The following CYB5R4 variants were observed in gnomAD, a reference collection of about 807,000 sequenced individuals.
CYB5R4 encodes the protein cytochrome b5 reductase 4.
In CYB5R4, 55 loss-of-function variants were observed where a neutral mutation model predicts 70.2. The observed-to-expected ratio is 0.78, with a 90% CI of 0.63 to 0.98. The LOEUF is 0.98. Among genes scored for constraint, CYB5R4 ranks in the 50% least tolerant of loss-of-function variants. CYB5R4 has a pLI of 0.00. For synonymous variants in CYB5R4, 197 were observed against 199.5 expected (o/e 0.99, Z 0.11); for missense variants, 562 against 612.6 (o/e 0.92, Z 0.87).
chr6:83,909,932 C>A, intron 4 of CYB5R4: 1 of 1,249,610 alleles, frequency 8.0e-7, no homozygotes, highest in Non-Finnish European at 1.1e-6. Flanking sequence ...ATTTTCTGGC[C>A]TAAAATGTTA....
In CYB5R4 at chr6:83,893,001, AT is replaced by A. The variant is rs2099461361; in HGVS notation, c.230-519del. On this transcript the variant is annotated intron_variant, in intron 2 of 15. Coordinates refer to ENST00000369681, the MANE Select transcript of CYB5R4 (RefSeq NM_016230.4). ...GTACAGTCTTTTAAAGGATATTTGC[AT>A]TGTGAACAACCTTGAATGTTAGTGT... 3.9e-5 allele frequency among the ~76,000 whole-genome samples: 6 copies of A among 152,168 alleles called. No individual in the cohort carries two copies. The South Asian group carries it at 1.2e-3, about 32-fold the overall frequency.
rs923868168 is a variant in CYB5R4 at position 83,961,526 on chromosome 6, C to T, written c.*1648C>T. 1 of 152,138 alleles carries T rather than the reference C, an allele frequency of 6.6e-6. No individual in the cohort carries two copies. The highest frequency in any genetic ancestry group is 1.5e-5 in the Non-Finnish European group (1 of 68,058). The allele number at this position is 152,138 out of a possible 1,614,324, so 9.4% of individuals were successfully genotyped here. On this transcript the variant is annotated 3_prime_UTR_variant, in exon 16 of 16. Transcript: ENST00000369681. ...AAGTGTGGCACTTCCTCCCCACCTC[C>T]TGCTGTATTATGAAGAAGGTCCTTG...
chr6:83,893,546 A>G lies in CYB5R4; in HGVS notation c.254A>G (p.Tyr85Cys), dbSNP rs754661226. The part of the protein sequence containing the change: ...IRGFVYNVSP[Y>C]MEYHPGGEDE... ...GGTTTCGTTTATAATGTCAGCCCTT[A>G]TATGGAGTATCATCCTGGTGGAGAA... The change falls in exon 3 of 16, where the codon TAT becomes TGT. Residue 85 changes from tyrosine to cysteine, a missense_variant. Tyr to Cys is a radical substitution (Grantham distance 194). Transcript: ENST00000369681. 1 of 1,612,108 alleles carries G rather than the reference A, an allele frequency of 6.2e-7. No individual in the cohort carries two copies. The highest frequency in any genetic ancestry group is 2.2e-5 in the East Asian group (1 of 44,832).
chr6:83,866,939 T>C (rs2099456823), intron 2 of CYB5R4, among the ~76,000 whole-genome samples: 1 of 152,202 alleles, frequency 6.6e-6, no homozygotes, highest in Non-Finnish European at 1.5e-5. Context: ...TAGAGGTTTC[T>C]GCTGGGGAAC....
chr6:83,948,320 G>C (rs1369211573), intron 14 of CYB5R4, among the ~76,000 whole-genome samples: 1 of 152,068 alleles, frequency 6.6e-6, no homozygotes, highest in Admixed American at 6.5e-5. Flanking sequence ...TGAACAATGA[G>C]AACATATGGG....
intron 3 of CYB5R4, among the ~76,000 whole-genome samples, chr6:83,898,924 A>G (rs368666389): frequency 6.6e-6 from 1 of 152,144 alleles, no homozygotes; most frequent in Admixed American, 6.5e-5. Flanking sequence ...GGACAATTTG[A>G]CTTCCTCTTT....
chr6:83,890,996 G>T (rs556507331), intron 2 of CYB5R4, among the ~76,000 whole-genome samples: 4 of 152,240 alleles, frequency 2.6e-5, no homozygotes, highest in African/African-American at 9.6e-5. Context: ...TGGCTGGAGT[G>T]CAGTGGCATG....
rs1374805673 is a variant in CYB5R4 at position 83,960,638 on chromosome 6, G to A, written c.*760G>A. 1.3e-5 allele frequency: 2 copies of A among 152,166 alleles called. No individual in the cohort carries two copies. The highest frequency in any genetic ancestry group is 2.9e-5 in the Non-Finnish European group (2 of 68,030). 9.4% of individuals were successfully genotyped at this position (152,166 alleles called of 1,614,324 possible). ...TTAGGAAAGAGAGTGAAAGTATAGT[G>A]TCTAGTTCCACAGCATAAAGTTATT... is the stretch of plus-strand genomic sequence containing the variant. On this transcript the variant is annotated 3_prime_UTR_variant, in exon 16 of 16. Transcript: ENST00000369681.
chr6:83,920,606 A>T (rs1199154952), intron 7 of CYB5R4, among the ~76,000 whole-genome samples: 1 of 152,092 alleles, frequency 6.6e-6, no homozygotes, highest in African/African-American at 2.4e-5. Context: ...GACATCTAAA[A>T]ATATGTTAGT....
chr6:83,922,307 G>A, intron 8 of CYB5R4, 131 bp from the exon 9 acceptor site: 1 of 560,190 alleles, frequency 1.8e-6, no homozygotes, highest in Non-Finnish European at 3.1e-6. Flanking sequence ...AAATTGTTTT[G>A]GTCTTTCAGA....
At chr6:83,879,318 T>C (rs983550810) in intron 2 of CYB5R4, among the ~76,000 whole-genome samples, 6 of 152,120 alleles carry the variant, frequency 3.9e-5, no homozygotes, top group African/African-American at 1.4e-4. Flanking sequence ...TGTGAGAGTA[T>C]CAGTGTTTTG....
chr6:83,953,192 A>T (rs1393560849), intron 14 of CYB5R4, among the ~76,000 whole-genome samples: 1 of 152,164 alleles, frequency 6.6e-6, no homozygotes, highest in Non-Finnish European at 1.5e-5. Flanking sequence ...AGCATATATA[A>T]GGCTTTCTGA....
At chr6:83,945,422 G>T (rs9362022) in intron 14 of CYB5R4, among the ~76,000 whole-genome samples, 11,524 of 152,242 alleles carry the variant, frequency 0.076, 758 homozygotes, top group East Asian at 0.26. Context: ...AGCTAAAGCA[G>T]TGTATAGAGG....
At chr6:83,915,424 A>G (rs1272550738) in intron 5 of CYB5R4, among the ~76,000 whole-genome samples, 1 of 152,242 alleles carries the variant, frequency 6.6e-6, no homozygotes, top group Non-Finnish European at 1.5e-5. Flanking sequence ...ATCGGATAAT[A>G]TAACACTCTA....
intron 2 of CYB5R4, among the ~76,000 whole-genome samples, chr6:83,870,160 A>G (rs922264618): frequency 4.6e-5 from 7 of 152,244 alleles, no homozygotes; most frequent in Admixed American, 3.9e-4. Context: ...GCTCATAGGA[A>G]CCCAACTTTG....
chr6:83,959,716 T>C, intron 15 of CYB5R4, 108 bp from the exon 16 acceptor site: 1 of 947,430 alleles, frequency 1.1e-6, no homozygotes, highest in Non-Finnish European at 1.6e-6. Flanking sequence ...AACTACATAG[T>C]GAATGGGGAA....
chr6:83,927,629 G>A (rs145990145), intron 10 of CYB5R4, among the ~76,000 whole-genome samples: 122 of 152,328 alleles, frequency 8.0e-4, no homozygotes, highest in African/African-American at 2.8e-3. Flanking sequence ...GGGAAAATAT[G>A]TGAAAAGGGG....
At chr6:83,955,628 C>G (rs1588588765) in intron 15 of CYB5R4, among the ~76,000 whole-genome samples, 166 bp downstream of exon 15, 1 of 152,062 alleles carries the variant, frequency 6.6e-6, no homozygotes, top group South Asian at 2.1e-4. Context: ...GAGTTGGAGG[C>G]CAGGATTATG....
At chr6:83,877,133 T>C (rs760504461) in intron 2 of CYB5R4, among the ~76,000 whole-genome samples, 94 of 152,188 alleles carry the variant, frequency 6.2e-4, no homozygotes, top group Non-Finnish European at 1.0e-3. Flanking sequence ...CCCAGCCCTT[T>C]TAACATTTTT....
Sources: gnomAD v4.1 joint callset for allele counts (sites outside exome capture counted in the v4.1 genomes callset) on GRCh38, gnomAD v4.1.1 for gene constraint, MANE v1.5 for transcripts, NCBI Gene and HGNC (gene_info 2026-07-23, HGNC 2026-07-21) for gene names.